Variants in NBEA observed in about 807,000 individuals in gnomAD.
NBEA encodes the protein lysosomal-trafficking regulator 2.
Under a neutral mutation model 343.4 loss-of-function variants are expected in NBEA, and 44 were observed. That is an observed-to-expected ratio of 0.13 (90% CI 0.10 to 0.16). NBEA has a LOEUF of 0.16. NBEA is among the 10% of genes least tolerant of loss of function. The pLI, the probability that NBEA is intolerant of heterozygous loss-of-function variation, is 1.00. For synonymous variants in NBEA, 1,175 were observed against 1,238.7 expected (o/e 0.95, Z 1.08); for missense variants, 2,555 against 3,631.3 (o/e 0.70, Z 7.62).
intron 47 of NBEA, among the ~76,000 whole-genome samples, chr13:35,604,762 T>C (rs1409678482): frequency 6.6e-6 from 1 of 152,056 alleles, no homozygotes; most frequent in Non-Finnish European, 1.5e-5. Flanking sequence ...CCTGTTCTCC[T>C]CTTGTGCTCA....
chr13:35,069,055 A>G (rs2063764685), intron 8 of NBEA, among the ~76,000 whole-genome samples: 1 of 152,156 alleles, frequency 6.6e-6, no homozygotes, highest in Non-Finnish European at 1.5e-5. Context: ...AGCATGAAAA[A>G]GATAATTAGT....
At chr13:35,270,523 G>A (rs569389512) in intron 34 of NBEA, among the ~76,000 whole-genome samples, 1 of 152,332 alleles carries the variant, frequency 6.6e-6, no homozygotes, top group South Asian at 2.1e-4. Context: ...CCAGGGCAGG[G>A]TGTCGCCTCA....
chr13:34,992,667 CTTATT>C (rs1270957440), intron 1 of NBEA, among the ~76,000 whole-genome samples: 3 of 150,814 alleles, frequency 2.0e-5, no homozygotes, highest in Non-Finnish European at 4.4e-5. Context: ...GCTAGAAATA[CTTATT>C]TTATTTATTT....
At chr13:35,566,790 T>C (rs1326713361) in intron 44 of NBEA, 115 bp from the exon 45 acceptor site, 7 of 593,362 alleles carry the variant, frequency 1.2e-5, no homozygotes, top group Non-Finnish European at 2.1e-5. Flanking sequence ...AAAGATACGG[T>C]TCAATAAATA....
chr13:35,191,338 C>T (rs1477367936), intron 30 of NBEA, among the ~76,000 whole-genome samples: 2 of 152,112 alleles, frequency 1.3e-5, no homozygotes, highest in Non-Finnish European at 2.9e-5. Context: ...GAGAGACCCA[C>T]ATGTTGACAC....
chr13:35,225,812 G>A (rs748226719), intron 33 of NBEA, among the ~76,000 whole-genome samples: 4 of 152,026 alleles, frequency 2.6e-5, no homozygotes, highest in Non-Finnish European at 5.9e-5. Context: ...ATTTCAAGCT[G>A]TTTGGTTACC....
At chr13:35,123,080 T>C (rs1178329078) in intron 16 of NBEA, among the ~76,000 whole-genome samples, 1 of 152,132 alleles carries the variant, frequency 6.6e-6, no homozygotes, top group Non-Finnish European at 1.5e-5. Context: ...TCGTTTAAAC[T>C]CAGGAGTTCC....
At chr13:35,451,836 A>G (rs1432127965) in intron 39 of NBEA, among the ~76,000 whole-genome samples, 1 of 152,166 alleles carries the variant, frequency 6.6e-6, no homozygotes, top group African/African-American at 2.4e-5. Context: ...AGCAACTGCT[A>G]GGTTCCTCCA....
intron 17 of NBEA, among the ~76,000 whole-genome samples, chr13:35,126,458 C>A: frequency 6.6e-6 from 1 of 150,786 alleles, no homozygotes; most frequent in African/African-American, 2.4e-5. Context: ...TAACTATACA[C>A]AAAAAAATAA....
At chr13:35,542,826 G>T (rs1243758756) in intron 41 of NBEA, among the ~76,000 whole-genome samples, 1 of 151,868 alleles carries the variant, frequency 6.6e-6, no homozygotes, top group Non-Finnish European at 1.5e-5. Context: ...AGTAGTGATT[G>T]ATTACTATTA....
intron 49 of NBEA, among the ~76,000 whole-genome samples, chr13:35,630,008 C>T (rs1026017501): frequency 6.6e-6 from 1 of 152,018 alleles, no homozygotes; most frequent in Admixed American, 6.6e-5. Flanking sequence ...AAGAAAGTTG[C>T]AAGTTAATCC....
intron 41 of NBEA, among the ~76,000 whole-genome samples, chr13:35,485,619 A>T (rs918516777): frequency 3.3e-5 from 5 of 152,074 alleles, no homozygotes; most frequent in Non-Finnish European, 7.4e-5. Flanking sequence ...CCACTTCTTG[A>T]TTCTGGGACA....
intron 35 of NBEA, among the ~76,000 whole-genome samples, chr13:35,304,575 A>G (rs1410419155): frequency 1.1e-4 from 17 of 152,134 alleles, no homozygotes. Context: ...GCAGTGATAC[A>G]TTTTTATTCA....
chr13:34,975,911 A>G (rs1008803799), intron 1 of NBEA, among the ~76,000 whole-genome samples: 2 of 152,226 alleles, frequency 1.3e-5, no homozygotes, highest in African/African-American at 2.4e-5. Context: ...ATATCAAAAA[A>G]TCAAAAACTA....
At chr13:35,088,226 T>C (rs1025426423) in intron 10 of NBEA, among the ~76,000 whole-genome samples, 3 of 151,924 alleles carry the variant, frequency 2.0e-5, no homozygotes, top group Non-Finnish European at 4.4e-5. Context: ...TATTGTTTGT[T>C]CTTTTGAATC....
At chr13:35,411,457 CTCT>C (rs1366271830) in intron 38 of NBEA, among the ~76,000 whole-genome samples, 11 of 140,158 alleles carry the variant, frequency 7.8e-5, no homozygotes, top group Admixed American at 2.2e-4. Context: ...ACTGTCTTGT[CTCT>C]TCTTTTTTTT....
chr13:35,295,073 AAATAG>A (rs568777555), intron 35 of NBEA, among the ~76,000 whole-genome samples: 197 of 149,512 alleles, frequency 1.3e-3, no homozygotes, highest in African/African-American at 4.7e-3. Context: ...AAATTAAAAA[AAATAG>A]CAGAAATTAA....
Position 35,603,162 on chromosome 13 carries a change from C to A in NBEA, c.7297-3264C>A, listed in dbSNP as rs561275016. On this transcript the variant is annotated intron_variant, in intron 47 of 58. Coordinates refer to ENST00000379939, the MANE Select transcript of NBEA (RefSeq NM_001385012.1). ...AATAAAGTTCTTCATTCACTCTTTC[C>A]CCATCTTGAGGCATTTTTCTGACCA... Among the ~76,000 whole-genome samples the A allele has an allele frequency of 3.3e-5, 5 of 152,132 alleles. No individual in the cohort carries two copies. In the East Asian group the frequency reaches 9.6e-4, roughly 29 times the overall value.
intron 38 of NBEA, among the ~76,000 whole-genome samples, chr13:35,414,538 T>C (rs1019571901): frequency 1.3e-5 from 2 of 152,146 alleles, no homozygotes; most frequent in African/African-American, 4.8e-5. Context: ...GCTTCATCCA[T>C]GTCCCTACAA....
Sources: gnomAD v4.1 joint callset for allele counts (sites outside exome capture counted in the v4.1 genomes callset) on GRCh38, gnomAD v4.1.1 for gene constraint, MANE v1.5 for transcripts, NCBI Gene and HGNC (gene_info 2026-07-23, HGNC 2026-07-21) for gene names.